Variants in NELL1 observed in about 807,000 individuals in gnomAD.
NELL1 encodes the protein neural EGFL like 1.
NELL1 carries 76 observed loss-of-function variants against 107.4 expected under a neutral mutation model. That is an observed-to-expected ratio of 0.71 (90% CI 0.59 to 0.86). NELL1 has a LOEUF of 0.86. Among genes scored for constraint, NELL1 ranks in the 40% least tolerant of loss-of-function variants. NELL1 has a pLI of 0.00. For missense variants in NELL1, 1,024 were observed against 1,005.5 expected, an observed-to-expected ratio of 1.02 and a Z score of -0.25; for synonymous variants, 353 against 341.2, an observed-to-expected ratio of 1.03 and a Z score of -0.38.
chr11:21,183,620 C>G (rs1856873191), intron 13 of NELL1, among the ~76,000 whole-genome samples: 1 of 151,796 alleles, frequency 6.6e-6, no homozygotes, highest in Admixed American at 6.5e-5. Flanking sequence ...CAGCAGAGCT[C>G]TGGCCTATAA....
intron 14 of NELL1, among the ~76,000 whole-genome samples, chr11:21,333,647 C>T (rs1850320437): frequency 1.3e-5 from 2 of 152,052 alleles, no homozygotes; most frequent in Non-Finnish European, 2.9e-5. Flanking sequence ...CGTCTATATT[C>T]AGCTCCTGGA....
intron 12 of NELL1, among the ~76,000 whole-genome samples, chr11:21,036,995 A>G (rs534916063): frequency 3.2e-4 from 49 of 151,438 alleles, no homozygotes; most frequent in African/African-American, 1.2e-3. Context: ...TTTCTTATTC[A>G]TCTAGTAGTA....
At position 21,521,047 on chromosome 11, in the gene NELL1, A is replaced by G. The variant is rs191724384; in HGVS notation, c.1646-13327A>G. On this transcript the variant is annotated intron_variant, in intron 15 of 19. Transcript: ENST00000357134. Reference sequence around the variant, plus strand: ...TGGGGGTAGGACCAGATGTAGGGTAAAAATCTATGTACCTGACTTTTACTG... The same window carrying G: ...TGGGGGTAGGACCAGATGTAGGGTAGAAATCTATGTACCTGACTTTTACTG... 2.9e-3 allele frequency among the ~76,000 whole-genome samples: 439 copies of G among 152,316 alleles called. 6 individuals carry two copies. Among genetic ancestry groups the G allele is most frequent in the African/African-American group, 9.9e-3 (412 of 41,560 alleles).
intron 9 of NELL1, among the ~76,000 whole-genome samples, chr11:20,933,210 C>G (rs1590432132): frequency 6.6e-6 from 1 of 152,180 alleles, no homozygotes; most frequent in African/African-American, 2.4e-5. Flanking sequence ...GGCTGGCAGG[C>G]AGGCACAGCC....
At chr11:21,160,927 A>T (rs1345703192) in intron 13 of NELL1, among the ~76,000 whole-genome samples, 1 of 151,224 alleles carries the variant, frequency 6.6e-6, no homozygotes, top group African/African-American at 2.4e-5. Flanking sequence ...TAAATAACTT[A>T]CTTAATTTAA....
intron 16 of NELL1, among the ~76,000 whole-genome samples, chr11:21,545,841 G>A (rs79408780): frequency 0.012 from 1,885 of 151,938 alleles, 41 homozygotes; most frequent in East Asian, 0.077. Context: ...CATGGGAGTC[G>A]CCTGGGAACT....
chr11:20,888,539 G>A (rs1172718546), intron 5 of NELL1, among the ~76,000 whole-genome samples: 1 of 151,746 alleles, frequency 6.6e-6, no homozygotes, highest in Non-Finnish European at 1.5e-5. Flanking sequence ...TAAAGGTTAT[G>A]GGCACTATTA....
chr11:21,464,437 T>A (rs1853976648), intron 15 of NELL1, among the ~76,000 whole-genome samples: 1 of 150,202 alleles, frequency 6.7e-6, no homozygotes, highest in African/African-American at 2.4e-5. Flanking sequence ...AGTAATAGCA[T>A]AGAGCCAGTT....
At chr11:20,874,123 A>G (rs1007175411) in intron 4 of NELL1, among the ~76,000 whole-genome samples, 1 of 152,066 alleles carries the variant, frequency 6.6e-6, no homozygotes, top group African/African-American at 2.4e-5. Flanking sequence ...GCTGGAGTGC[A>G]ATGGCACGAT....
intron 3 of NELL1, among the ~76,000 whole-genome samples, chr11:20,823,882 G>A (rs957317352): frequency 2.0e-5 from 3 of 151,216 alleles, no homozygotes; most frequent in African/African-American, 7.3e-5. Flanking sequence ...AATTGGTTAG[G>A]ATACAGGAGT....
intron 9 of NELL1, among the ~76,000 whole-genome samples, chr11:20,936,979 C>A (rs1366535503): frequency 6.6e-6 from 1 of 152,120 alleles, no homozygotes; most frequent in East Asian, 2.0e-4. Flanking sequence ...CTCATCAGGG[C>A]AGGAGAGGGA....
chr11:21,263,153 A>T (rs1848566605), intron 14 of NELL1, among the ~76,000 whole-genome samples: 1 of 151,862 alleles, frequency 6.6e-6, no homozygotes. Context: ...AGTGATAATG[A>T]AGTGTTCTGT....
At chr11:21,114,654 T>C (rs1425503357) in intron 13 of NELL1, among the ~76,000 whole-genome samples, 1 of 151,992 alleles carries the variant, frequency 6.6e-6, no homozygotes, top group Non-Finnish European at 1.5e-5. Flanking sequence ...GATGTCTATT[T>C]ATAAGTTACT....
rs574876550 is a variant in NELL1 at position 20,818,132 on chromosome 11, A to G, written c.336-29451A>G. Reference sequence around the variant, plus strand: ...TCAGTCAAGTGTTGAATTTATGTCTAGTATTTCTTTGTTAGTTTTCTTTTT... The same window carrying G: ...TCAGTCAAGTGTTGAATTTATGTCTGGTATTTCTTTGTTAGTTTTCTTTTT... On this transcript the variant is annotated intron_variant, in intron 3 of 19. Coordinates refer to ENST00000357134, the MANE Select transcript of NELL1 (RefSeq NM_006157.5). Among the ~76,000 whole-genome samples the G allele has an allele frequency of 4.6e-5, 7 of 152,176 alleles. No homozygotes were observed. In the South Asian group the frequency reaches 1.5e-3, roughly 32 times the overall value.
At chr11:20,710,612 A>G (rs1317181144) in intron 2 of NELL1, among the ~76,000 whole-genome samples, 1 of 152,142 alleles carries the variant, frequency 6.6e-6, no homozygotes, top group Non-Finnish European at 1.5e-5. Context: ...TAAGATTAAT[A>G]TTAATTCTTC....
chr11:21,445,019 T>C (rs535674175), intron 15 of NELL1, among the ~76,000 whole-genome samples: 194 of 152,292 alleles, frequency 1.3e-3, no homozygotes, highest in African/African-American at 4.6e-3. Flanking sequence ...AACTTAACAC[T>C]GATTACATAA....
At chr11:20,878,947 A>G (rs1849357906) in intron 4 of NELL1, among the ~76,000 whole-genome samples, 1 of 152,194 alleles carries the variant, frequency 6.6e-6, no homozygotes. Flanking sequence ...TAAGTGATGG[A>G]GACTGACCAG....
intron 3 of NELL1, among the ~76,000 whole-genome samples, chr11:20,830,936 A>G (rs1857995645): frequency 6.6e-6 from 1 of 152,132 alleles, no homozygotes; most frequent in Non-Finnish European, 1.5e-5. Context: ...CTGGAGATCA[A>G]ATTTCAACAT....
At chr11:20,926,109 G>A (rs1242315255) in intron 7 of NELL1, among the ~76,000 whole-genome samples, 2 of 152,168 alleles carry the variant, frequency 1.3e-5, no homozygotes, top group Non-Finnish European at 2.9e-5. Flanking sequence ...AATTTTCTAG[G>A]AAACGATACT....
Sources: allele counts gnomAD v4.1 joint callset (sites outside exome capture counted in the v4.1 genomes callset), GRCh38; gene constraint gnomAD v4.1.1; transcripts MANE v1.5; gene names NCBI Gene and HGNC (gene_info 2026-07-23, HGNC 2026-07-21).